Variants in ACSS3 observed in about 807,000 individuals in gnomAD.
ACSS3 encodes acyl-CoA synthetase short-chain family member 3, mitochondrial.
A neutral mutation model predicts 84.2 loss-of-function variants in ACSS3; 64 were observed. The ratio of observed to expected loss-of-function variants is 0.76; its 90% CI spans 0.62 to 0.94. The LOEUF (loss-of-function observed/expected upper bound fraction) is 0.94, where lower values mean the gene tolerates loss of function less well. Ranked by LOEUF, ACSS3 falls within the 40% of genes least tolerant of loss-of-function variation. ACSS3 has a pLI of 0.00. For synonymous variants in ACSS3, 317 were observed against 310.1 expected, an observed-to-expected ratio of 1.02 and a Z score of -0.23; for missense variants, 815 against 867.6, an observed-to-expected ratio of 0.94 and a Z score of 0.76.
chr12:81,147,540 G>C (rs1018536721), intron 5 of ACSS3, among the ~76,000 whole-genome samples: 21 of 152,184 alleles, frequency 1.4e-4, no homozygotes, highest in African/African-American at 4.8e-4. Flanking sequence ...AAGAGGACCT[G>C]AAAGACATTT....
intron 13 of ACSS3, among the ~76,000 whole-genome samples, chr12:81,247,468 AAG>A (rs2034019333): frequency 6.6e-6 from 1 of 152,274 alleles, no homozygotes; most frequent in South Asian, 2.1e-4. Flanking sequence ...AAAATGGAAA[AAG>A]AGAAAAACAT....
At chr12:81,167,576 T>G (rs966442709) in intron 7 of ACSS3, among the ~76,000 whole-genome samples, 1 of 152,188 alleles carries the variant, frequency 6.6e-6, no homozygotes, top group Non-Finnish European at 1.5e-5. Context: ...AGGAGGACCA[T>G]GTATCTGCAC....
Position 81,139,280 on chromosome 12 carries a change from G to A in ACSS3, c.780+15G>A. The A allele has an allele frequency of 6.2e-7, 1 of 1,612,906 alleles. No homozygotes were observed. The highest frequency in any genetic ancestry group is 8.5e-7 in the Non-Finnish European group (1 of 1,179,338). ...GTCCAAATATGGTAATCTGAATATT[G>A]AATTTGGTTCTTGCTTATGGTAATA... On this transcript the variant is annotated intron_variant, in intron 4 of 15. Transcript: ENST00000548058.
intron 2 of ACSS3, among the ~76,000 whole-genome samples, chr12:81,131,740 T>C (rs903944823): frequency 4.6e-5 from 7 of 152,202 alleles, no homozygotes; most frequent in African/African-American, 1.4e-4. Context: ...TTTTGGCCAT[T>C]CGGTATGATA....
intron 13 of ACSS3, among the ~76,000 whole-genome samples, chr12:81,242,199 A>G (rs1373424387): frequency 1.3e-5 from 2 of 152,274 alleles, no homozygotes; most frequent in East Asian, 1.9e-4. Flanking sequence ...CCACAGAAAT[A>G]CAAACTACCA....
intron 13 of ACSS3, among the ~76,000 whole-genome samples, chr12:81,234,785 T>C (rs1032586749): frequency 5.9e-5 from 9 of 151,410 alleles, no homozygotes. Flanking sequence ...GTTCTTTATA[T>C]ATTCTATATA....
intron 8 of ACSS3, among the ~76,000 whole-genome samples, chr12:81,188,580 T>C (rs994737851): frequency 6.6e-6 from 1 of 152,074 alleles, no homozygotes; most frequent in Non-Finnish European, 1.5e-5. Flanking sequence ...ATATTAGTTT[T>C]GCTTGTTTTT....
chr12:81,085,713 G>A (rs1412285784), intron 1 of ACSS3, among the ~76,000 whole-genome samples: 1 of 152,180 alleles, frequency 6.6e-6, no homozygotes, highest in Non-Finnish European at 1.5e-5. Context: ...AAATGCAAAA[G>A]GTAGTTTCTG....
intron 1 of ACSS3, among the ~76,000 whole-genome samples, chr12:81,082,838 C>T (rs140559113): frequency 3.7e-4 from 57 of 152,208 alleles, no homozygotes; most frequent in Admixed American, 9.2e-4. Flanking sequence ...AGAATCATGA[C>T]GGTATCTATT....
At chr12:81,248,869 G>A (rs923094644) in intron 13 of ACSS3, among the ~76,000 whole-genome samples, 1 of 151,436 alleles carries the variant, frequency 6.6e-6, no homozygotes, top group Admixed American at 6.6e-5. Flanking sequence ...AAAGAATTTC[G>A]AGTACAAAAA....
At chr12:81,132,817 C>A (rs889653169) in intron 2 of ACSS3, among the ~76,000 whole-genome samples, 4 of 152,016 alleles carry the variant, frequency 2.6e-5, no homozygotes, top group Admixed American at 1.3e-4. Flanking sequence ...GAAGTCACAG[C>A]TTTGGCTATG....
At chr12:81,210,725 C>A (rs926137649) in intron 9 of ACSS3, among the ~76,000 whole-genome samples, 1 of 152,114 alleles carries the variant, frequency 6.6e-6, no homozygotes, top group Non-Finnish European at 1.5e-5. Flanking sequence ...GGAAAAAACT[C>A]AGAAACAAGT....
chr12:81,247,561 C>A lies in ACSS3; in HGVS notation c.1720-5746C>A, dbSNP rs368463265. Among the ~76,000 whole-genome samples the A allele has an allele frequency of 7.2e-5, 11 of 152,098 alleles. No homozygotes were observed. In the East Asian group the frequency reaches 7.7e-4, roughly 11 times the overall value. On this transcript the variant is annotated intron_variant, in intron 13 of 15. Transcript: ENST00000548058. ...GGTGCATAACAGGAAACCATTCAGACCTTAAATCTTTAAGTTAACTTCTCT... is the reference window on the plus strand; with the variant it reads ...GGTGCATAACAGGAAACCATTCAGAACTTAAATCTTTAAGTTAACTTCTCT...
chr12:81,151,792 A>C (rs1335203012), intron 5 of ACSS3, 52 bp from the exon 6 acceptor site: 1 of 1,491,868 alleles, frequency 6.7e-7, no homozygotes, highest in Non-Finnish European at 9.3e-7. Context: ...GAAGATAGAG[A>C]GTGTTTTTAC....
intron 8 of ACSS3, among the ~76,000 whole-genome samples, chr12:81,195,864 G>T (rs767052544): frequency 2.0e-5 from 3 of 152,066 alleles, no homozygotes; most frequent in Non-Finnish European, 2.9e-5. Flanking sequence ...TTGTGCTAAA[G>T]AACTGCTCCT....
At chr12:81,217,382 A>G (rs1171949157) in intron 10 of ACSS3, among the ~76,000 whole-genome samples, 1 of 152,196 alleles carries the variant, frequency 6.6e-6, no homozygotes, top group Admixed American at 6.5e-5. Flanking sequence ...AACAGAATAA[A>G]TAATTTTCTT....
chr12:81,087,226 G>A (rs531758697), intron 1 of ACSS3, among the ~76,000 whole-genome samples: 1 of 152,208 alleles, frequency 6.6e-6, no homozygotes, highest in Admixed American at 6.5e-5. Context: ...AGCAATTAAA[G>A]TCTGTAGGTC....
At chr12:81,218,823 C>G (rs1342779564) in intron 10 of ACSS3, among the ~76,000 whole-genome samples, 1 of 151,768 alleles carries the variant, frequency 6.6e-6, no homozygotes, top group African/African-American at 2.4e-5. Context: ...GGCTTGCAGA[C>G]AGTACAGGTT....
At chr12:81,107,808 G>T (rs1883204620) in intron 1 of ACSS3, among the ~76,000 whole-genome samples, 1 of 151,834 alleles carries the variant, frequency 6.6e-6, no homozygotes. Context: ...TCTAGCTGGT[G>T]TGGGCTCCCT....
Sources: allele counts gnomAD v4.1 joint callset (sites outside exome capture counted in the v4.1 genomes callset), GRCh38; gene constraint gnomAD v4.1.1; transcripts MANE v1.5; gene names NCBI Gene and HGNC (gene_info 2026-07-23, HGNC 2026-07-21).